Variants in DISC1 observed in about 807,000 individuals in gnomAD.
DISC1 encodes the protein DISC1 scaffold protein, also known as disrupted in schizophrenia 1 protein.
In DISC1, 57 loss-of-function variants were observed where a neutral mutation model predicts 84.5. The ratio of observed to expected loss-of-function variants is 0.67; its 90% CI spans 0.55 to 0.84. The LOEUF (loss-of-function observed/expected upper bound fraction) is 0.84, where lower values mean the gene tolerates loss of function less well. DISC1 is among the 40% of genes least tolerant of loss of function. DISC1 has a pLI of 0.00. For synonymous variants in DISC1, 411 were observed against 415.2 expected (o/e 0.99, Z 0.12); for missense variants, 1,000 against 1,057.8 (o/e 0.95, Z 0.76).
intron 9 of DISC1, among the ~76,000 whole-genome samples, chr1:231,936,528 T>C: frequency 6.6e-6 from 1 of 152,300 alleles, no homozygotes; most frequent in South Asian, 2.1e-4. Flanking sequence ...TGTTTTTATT[T>C]GTGGAAGGTA....
intron 1 of DISC1, among the ~76,000 whole-genome samples, chr1:231,689,705 ATG>A (rs1258966690): frequency 6.6e-6 from 1 of 152,188 alleles, no homozygotes; most frequent in African/African-American, 2.4e-5. Context: ...TGTCTGGCCA[ATG>A]TGTATTTTAA....
Position 231,770,861 on chromosome 1 carries a change from G to A in DISC1, c.1425G>A (p.Arg475=). 1.2e-6 allele frequency: 2 copies of A among 1,614,188 alleles called. No homozygotes were observed. Among genetic ancestry groups the A allele is most frequent in the Non-Finnish European group, 1.7e-6 (2 of 1,180,040 alleles). The part of the protein sequence containing the change: ...LQKEIEALQA[R]MFVLEAKDQQ... ...AAGAAATCGAAGCTCTCCAAGCAAG[G>A]ATGTTTGTGCTGGAAGCCAAAGATC... Residue 475 remains arginine, a synonymous_variant, in exon 6 of 13, where the codon AGG becomes AGA. Coordinates refer to ENST00000439617, the MANE Select transcript of DISC1 (RefSeq NM_018662.3).
At chr1:231,747,164 C>T (rs1282332388) in intron 3 of DISC1, among the ~76,000 whole-genome samples, 1 of 152,164 alleles carries the variant, frequency 6.6e-6, no homozygotes, top group Non-Finnish European at 1.5e-5. Context: ...CTCCTGAGCT[C>T]AAGTGATCCT....
chr1:231,803,749 C>A (rs550094795), intron 8 of DISC1, among the ~76,000 whole-genome samples: 2 of 152,130 alleles, frequency 1.3e-5, no homozygotes, highest in African/African-American at 4.8e-5. Flanking sequence ...GAGATCAAGA[C>A]CATCCTGGCT....
chr1:231,664,079 C>T (rs914745485), intron 1 of DISC1, among the ~76,000 whole-genome samples: 2 of 151,606 alleles, frequency 1.3e-5, no homozygotes, highest in African/African-American at 2.4e-5. Flanking sequence ...TCCATCCATC[C>T]GTCTATCTAT....
intron 6 of DISC1, among the ~76,000 whole-genome samples, chr1:231,784,569 A>G (rs749479331): frequency 5.9e-5 from 9 of 152,202 alleles, no homozygotes; most frequent in Non-Finnish European, 1.3e-4. Flanking sequence ...TTAAAAATTT[A>G]TGTGCCTGAT....
chr1:231,774,750 G>A (rs770586408), intron 6 of DISC1: 1 of 456,000 alleles, frequency 2.2e-6, no homozygotes, highest in South Asian at 1.5e-5. Flanking sequence ...AAGCTGATGG[G>A]CTGCAGCATG....
At chr1:231,993,571 C>A (rs561201470) in intron 10 of DISC1, among the ~76,000 whole-genome samples, 4 of 152,058 alleles carry the variant, frequency 2.6e-5, no homozygotes, top group Admixed American at 2.6e-4. Context: ...TTAAAAATGA[C>A]CAAGATTTCT....
At chr1:231,653,983 G>A (rs561630823) in intron 1 of DISC1, among the ~76,000 whole-genome samples, 2 of 152,338 alleles carry the variant, frequency 1.3e-5, no homozygotes, top group East Asian at 1.9e-4. Flanking sequence ...CCAGTTGGGT[G>A]GGCAAGGTGG....
intron 12 of DISC1, among the ~76,000 whole-genome samples, chr1:232,033,750 A>T (rs191896500): frequency 5.3e-5 from 8 of 152,354 alleles, no homozygotes; most frequent in African/African-American, 1.7e-4. Flanking sequence ...CAACTGCTTA[A>T]CAGGGAAATG....
At chr1:232,002,874 C>T (rs1436607265) in intron 10 of DISC1, among the ~76,000 whole-genome samples, 3 of 151,938 alleles carry the variant, frequency 2.0e-5, no homozygotes, top group Admixed American at 1.3e-4. Flanking sequence ...GTGATAAAAT[C>T]ACATAAAACT....
intron 10 of DISC1, among the ~76,000 whole-genome samples, chr1:232,001,902 A>C (rs1419345239): frequency 6.6e-6 from 1 of 152,256 alleles, no homozygotes; most frequent in African/African-American, 2.4e-5. Context: ...TCTTTGAAGT[A>C]AAACCTTTTG....
At chr1:231,683,499 C>T (rs2063900827) in intron 1 of DISC1, among the ~76,000 whole-genome samples, 1 of 146,504 alleles carries the variant, frequency 6.8e-6, no homozygotes, top group African/African-American at 2.5e-5. Context: ...GACTGTGGCT[C>T]ACTGCCGCCT....
intron 9 of DISC1, among the ~76,000 whole-genome samples, chr1:231,875,338 G>GC (rs574862707): frequency 7.2e-5 from 11 of 151,990 alleles, no homozygotes; most frequent in East Asian, 1.9e-4. Flanking sequence ...TGAGCCACCA[G>GC]CCCCCGGCCC....
chr1:231,768,537 C>T lies in DISC1; in HGVS notation c.1398+1268C>T, dbSNP rs562303071. 2.7e-5 allele frequency among the ~76,000 whole-genome samples: 4 copies of T among 149,226 alleles called. No individual in the cohort carries two copies. In the South Asian group the frequency reaches 6.5e-4, roughly 24 times the overall value. ...AACATTTGCCAATTAAAGGTCTACACAATTCCTGAGACAGTCAGAGTGTAC... is the reference window on the plus strand; with the variant it reads ...AACATTTGCCAATTAAAGGTCTACATAATTCCTGAGACAGTCAGAGTGTAC... On this transcript the variant is annotated intron_variant, in intron 5 of 12. Coordinates refer to ENST00000439617, the MANE Select transcript of DISC1 (RefSeq NM_018662.3).
At chr1:231,891,985 C>T (rs935356072) in intron 9 of DISC1, among the ~76,000 whole-genome samples, 1 of 152,080 alleles carries the variant, frequency 6.6e-6, no homozygotes, top group African/African-American at 2.4e-5. Context: ...AATTGTTTGA[C>T]CCCATTGCCA....
chr1:231,948,791 C>T (rs1657755843), intron 9 of DISC1, among the ~76,000 whole-genome samples: 1 of 151,832 alleles, frequency 6.6e-6, no homozygotes, highest in African/African-American at 2.4e-5. Context: ...GCAGGGGCCC[C>T]TCTTGGGCAG....
rs376268821 is a variant in DISC1 at position 231,927,417 on chromosome 1, G to A, written c.1982-31411G>A. Among the ~76,000 whole-genome samples the A allele has an allele frequency of 2.5e-4, 38 of 152,332 alleles. No homozygotes were observed. In the South Asian group the frequency reaches 7.7e-3, roughly 31 times the overall value. On this transcript the variant is annotated intron_variant, in intron 9 of 12. Coordinates refer to ENST00000439617, the MANE Select transcript of DISC1 (RefSeq NM_018662.3). The stretch of plus-strand genomic sequence containing the variant: ...ATTTCTTCCCAGAGTAGCTGGAGTA[G>A]CTGGACCTTTATCATGTTCTGGTAT...
intron 6 of DISC1, among the ~76,000 whole-genome samples, chr1:231,778,443 C>T (rs1305872008): frequency 6.6e-6 from 1 of 152,188 alleles, no homozygotes; most frequent in Non-Finnish European, 1.5e-5. Context: ...TTAAGTTCCT[C>T]CTTAAAGTTC....
Sources: allele counts gnomAD v4.1 joint callset (sites outside exome capture counted in the v4.1 genomes callset), GRCh38; gene constraint gnomAD v4.1.1; transcripts MANE v1.5; gene names NCBI Gene and HGNC (gene_info 2026-07-23, HGNC 2026-07-21).